PRKACB: variants seen among roughly 807,000 people sequenced by gnomAD.
The protein encoded by PRKACB is protein kinase cAMP-activated catalytic subunit beta.
PRKACB carries 16 observed loss-of-function variants against 51.4 expected under a neutral mutation model. That is an observed-to-expected ratio of 0.31 (90% CI 0.21 to 0.47). The LOEUF (loss-of-function observed/expected upper bound fraction) is 0.47. Ranked by LOEUF, PRKACB falls within the 20% of genes least tolerant of loss-of-function variation. The pLI is 1.00. For missense variants in PRKACB, 309 were observed against 464.5 expected (o/e 0.67, Z 3.08); for synonymous variants, 147 against 154.4 (o/e 0.95, Z 0.35).
chr1:84,141,318 A>G (rs549512117), upstream of PRKACB, among the ~76,000 whole-genome samples: 116 of 152,294 alleles, frequency 7.6e-4, 1 homozygote, highest in African/African-American at 2.6e-3. Flanking sequence ...AATTGCAGTT[A>G]TGAAGGAATT....
intron 8 of PRKACB, among the ~76,000 whole-genome samples, chr1:84,203,734 T>C (rs965946178): frequency 2.0e-5 from 3 of 151,990 alleles, no homozygotes; most frequent in Non-Finnish European, 4.4e-5. Context: ...ATTTAGAATA[T>C]GATCAGGAAA....
chr1:84,114,362 G>C (rs754715256), intron 1 of PRKACB, among the ~76,000 whole-genome samples: 10 of 152,086 alleles, frequency 6.6e-5, no homozygotes, highest in African/African-American at 2.2e-4. Flanking sequence ...ACATTTGAAG[G>C]TTATAAGCAA....
At chr1:84,143,036 G>A (rs763862494), upstream of PRKACB, among the ~76,000 whole-genome samples, 4 of 151,440 alleles carry the variant, frequency 2.6e-5, no homozygotes, top group South Asian at 6.2e-4. Flanking sequence ...AGAGAACCAC[G>A]GAAATTTCTT....
At chr1:84,155,075 A>G (rs1413323763) in intron 1 of PRKACB, among the ~76,000 whole-genome samples, 2 of 152,138 alleles carry the variant, frequency 1.3e-5, no homozygotes, top group Non-Finnish European at 2.9e-5. Context: ...TCTAAATTGG[A>G]AAGGAAGAAG....
At chr1:84,226,165 A>C (rs56917006) in intron 9 of PRKACB, among the ~76,000 whole-genome samples, 1,717 of 151,686 alleles carry the variant, frequency 0.011, 39 homozygotes, top group African/African-American at 0.04. Context: ...CATATGCATT[A>C]TTTTAGAGTC....
chr1:84,103,066 C>A (rs746764749), intron 1 of PRKACB, among the ~76,000 whole-genome samples: 3 of 152,228 alleles, frequency 2.0e-5, no homozygotes, highest in East Asian at 1.9e-4. Flanking sequence ...TCATCTATAC[C>A]TGCATTTGAT....
chr1:84,085,616 A>T (rs1557901139), intron 1 of PRKACB: 1 of 156,660 alleles, frequency 6.4e-6, no homozygotes, highest in Non-Finnish European at 1.4e-5. Context: ...GAGCAAATAA[A>T]TATATGGTAA....
rs1158898227 is a variant in PRKACB, at chr1:84,237,307, T to A, written c.*2002T>A. On this transcript the variant is annotated 3_prime_UTR_variant, in exon 10 of 10. Coordinates refer to ENST00000370685, the MANE Select transcript of PRKACB (RefSeq NM_182948.4). ...TGACCAATGTGTTCTATATGTAAACTACAAATTCTATGGTAGCTTTGTTGT... is the reference window on the plus strand; with the variant it reads ...TGACCAATGTGTTCTATATGTAAACAACAAATTCTATGGTAGCTTTGTTGT... The A allele has an allele frequency of 6.6e-6, 1 of 152,646 alleles. No individual in the cohort carries two copies. The highest frequency in any genetic ancestry group is 1.5e-5 in the Non-Finnish European group (1 of 68,008). 9.5% of individuals were successfully genotyped at this position (152,646 alleles called of 1,614,324 possible). A position where few individuals can be genotyped will look rare whatever the true frequency, so the allele number is the denominator to read the frequency against.
intron 1 of PRKACB, among the ~76,000 whole-genome samples, chr1:84,107,122 C>T (rs1649816683): frequency 6.6e-6 from 1 of 152,020 alleles, no homozygotes. Context: ...TACAGATATG[C>T]CCCCGAACCT....
At chr1:84,079,128 TTCTG>T (rs1647324685) in intron 1 of PRKACB, among the ~76,000 whole-genome samples, 1 of 152,136 alleles carries the variant, frequency 6.6e-6, no homozygotes, top group Non-Finnish European at 1.5e-5. Context: ...AAAATGGAAT[TTCTG>T]TATGGCGATA....
chr1:84,102,225 A>G (rs898189617), intron 1 of PRKACB, among the ~76,000 whole-genome samples: 9 of 151,776 alleles, frequency 5.9e-5, no homozygotes, highest in Non-Finnish European at 1.0e-4. Context: ...AAAAAAATAC[A>G]AAACTACAAA....
intron 9 of PRKACB, among the ~76,000 whole-genome samples, chr1:84,222,231 T>G (rs150847288): frequency 4.6e-5 from 7 of 152,296 alleles, no homozygotes; most frequent in African/African-American, 1.7e-4. Flanking sequence ...TGATATAAAT[T>G]TAGATACTCC....
At chr1:84,112,143 G>A (rs1650279134) in intron 1 of PRKACB, among the ~76,000 whole-genome samples, 1 of 150,798 alleles carries the variant, frequency 6.6e-6, no homozygotes, top group Non-Finnish European at 1.5e-5. Context: ...ATGCAGTAAT[G>A]TATATCCATT....
chr1:84,098,780 C>T (rs549355892), intron 1 of PRKACB, among the ~76,000 whole-genome samples: 2 of 151,994 alleles, frequency 1.3e-5, no homozygotes, highest in Non-Finnish European at 2.9e-5. Flanking sequence ...TTTTGCCAAG[C>T]AAGTATAGAC....
intron 1 of PRKACB, among the ~76,000 whole-genome samples, chr1:84,093,374 AG>A (rs992264733): frequency 3.3e-5 from 5 of 152,062 alleles, no homozygotes; most frequent in South Asian, 2.1e-4. Flanking sequence ...ACCATTTAAA[AG>A]GAAAAAGAAA....
At chr1:84,202,625 C>G in intron 7 of PRKACB, 58 bp from the exon 8 acceptor site, 1 of 1,487,228 alleles carries the variant, frequency 6.7e-7, no homozygotes. Flanking sequence ...TTATCTTTGA[C>G]TTCATTCTCT....
intron 1 of PRKACB, chr1:84,086,324 G>C (rs1647984799): frequency 2.5e-6 from 2 of 804,432 alleles, no homozygotes; most frequent in Admixed American, 4.0e-5. Flanking sequence ...TGGCCCCTGG[G>C]GCCCAGGCTC....
chr1:84,192,796 G>A (rs1364880074), intron 5 of PRKACB, among the ~76,000 whole-genome samples: 2 of 152,068 alleles, frequency 1.3e-5, no homozygotes, highest in South Asian at 2.1e-4. Context: ...TTCCTATAAC[G>A]TTTGAACATG....
chr1:84,228,929 CTTT>C (rs564736739), intron 9 of PRKACB, among the ~76,000 whole-genome samples: 1 of 145,266 alleles, frequency 6.9e-6, no homozygotes, highest in African/African-American at 2.5e-5. Flanking sequence ...CCAGAAATTT[CTTT>C]TTTTTTTTAT....
Sources: gnomAD v4.1 joint callset for allele counts (sites outside exome capture counted in the v4.1 genomes callset) on GRCh38, gnomAD v4.1.1 for gene constraint, MANE v1.5 for transcripts, NCBI Gene and HGNC (gene_info 2026-07-23, HGNC 2026-07-21) for gene names.